The following CNTN4 variants were observed in gnomAD, a reference collection of about 807,000 sequenced individuals.
CNTN4 encodes contactin-4.
Under a neutral mutation model 122.5 loss-of-function variants are expected in CNTN4, and 77 were observed. The observed-to-expected ratio is 0.63, with a 90% CI of 0.52 to 0.76. The LOEUF (loss-of-function observed/expected upper bound fraction) is 0.76, where lower values mean the gene tolerates loss of function less well. Among genes scored for constraint, CNTN4 ranks in the 30% least tolerant of loss-of-function variants. CNTN4 has a pLI of 0.00. For missense variants in CNTN4, 1,256 were observed against 1,259.1 expected (o/e 1.00, Z 0.04); for synonymous variants, 512 against 447.0 (o/e 1.15, Z -1.83).
chr3:2,834,243 C>A (rs12634307), intron 7 of CNTN4, among the ~76,000 whole-genome samples: 5 of 151,868 alleles, frequency 3.3e-5, no homozygotes, highest in Non-Finnish European at 7.4e-5. Flanking sequence ...GGGATATGTA[C>A]CATCTAAGTT....
chr3:2,762,642 T>C (rs112561871), intron 6 of CNTN4, among the ~76,000 whole-genome samples: 3,746 of 152,260 alleles, frequency 0.025, 157 homozygotes, highest in African/African-American at 0.085. Context: ...AACATACACA[T>C]GTGTGTGTCT....
chr3:2,467,101 T>C (rs1490318287), intron 3 of CNTN4, among the ~76,000 whole-genome samples: 3 of 151,446 alleles, frequency 2.0e-5, no homozygotes, highest in Admixed American at 2.0e-4. Context: ...CTAATACATA[T>C]TTTTCCCATT....
chr3:2,506,189 T>G (rs919171546), intron 3 of CNTN4, among the ~76,000 whole-genome samples: 10 of 152,172 alleles, frequency 6.6e-5, no homozygotes, highest in African/African-American at 2.4e-4. Context: ...TAGCTGTGAC[T>G]CCTGTCATGT....
intron 4 of CNTN4, among the ~76,000 whole-genome samples, chr3:2,694,449 T>C (rs978864448): frequency 1.3e-5 from 2 of 152,208 alleles, no homozygotes; most frequent in Non-Finnish European, 2.9e-5. Flanking sequence ...CAGTCAAGAA[T>C]TGAACAACAT....
intron 3 of CNTN4, among the ~76,000 whole-genome samples, chr3:2,428,046 T>C (rs962726371): frequency 6.6e-6 from 1 of 152,206 alleles, no homozygotes; most frequent in African/African-American, 2.4e-5. Flanking sequence ...CTGTGTCTTT[T>C]AATTGGAGCA....
chr3:2,263,263 A>G (rs974438061), intron 2 of CNTN4, among the ~76,000 whole-genome samples: 1 of 152,136 alleles, frequency 6.6e-6, no homozygotes, highest in African/African-American at 2.4e-5. Flanking sequence ...TGTATAATAA[A>G]AAATATTATG....
chr3:2,733,532 G>GTTTTTTTTTTT (rs1201306391), intron 4 of CNTN4, among the ~76,000 whole-genome samples: 10 of 120,558 alleles, frequency 8.3e-5, no homozygotes, highest in African/African-American at 2.8e-4. Flanking sequence ...GCATGTTTGT[G>GTTTTTTTTTTT]TTTTTTTTTT....
chr3:2,988,510 G>A, intron 14 of CNTN4, 38 bp downstream of exon 14: 2 of 1,606,670 alleles, frequency 1.2e-6, no homozygotes, highest in African/African-American at 1.3e-5. Flanking sequence ...ATTTATATAT[G>A]TGTCCTCGTG....
chr3:2,729,303 G>A lies in CNTN4; in HGVS notation c.56-6912G>A, dbSNP rs532975599. 4.6e-5 allele frequency among the ~76,000 whole-genome samples: 7 copies of A among 152,112 alleles called. No individual in the cohort carries two copies. The East Asian group carries it at 5.8e-4, about 13-fold the overall frequency. ...AAAGTGGCCGGGCGCGGTGGCTCACGCCTGTAATCCTAGCACTTTGGGAGG... is the reference window on the plus strand; with the variant it reads ...AAAGTGGCCGGGCGCGGTGGCTCACACCTGTAATCCTAGCACTTTGGGAGG... On this transcript the variant is annotated intron_variant, in intron 4 of 24. Transcript: ENST00000418658.
intron 4 of CNTN4, among the ~76,000 whole-genome samples, chr3:2,730,759 A>G (rs2088618317): frequency 2.0e-5 from 3 of 152,036 alleles, no homozygotes; most frequent in Non-Finnish European, 2.9e-5. Flanking sequence ...TGAGTTAACC[A>G]TCACCTGAGA....
chr3:2,964,030 C>T lies in CNTN4; in HGVS notation c.1359-24315C>T, dbSNP rs563006538. ...TCACTATTGCATCTTTAGTACATTG[C>T]CTGACACATAGTAGGTTCTTATTAC... On this transcript the variant is annotated intron_variant, in intron 13 of 24. Coordinates refer to ENST00000418658, the MANE Select transcript of CNTN4 (RefSeq NM_175607.3). 6.6e-5 allele frequency among the ~76,000 whole-genome samples: 10 copies of T among 152,284 alleles called. No homozygotes were observed. In the South Asian group the frequency reaches 2.1e-3, roughly 32 times the overall value.
At chr3:2,798,815 T>C (rs2092276330) in intron 6 of CNTN4, among the ~76,000 whole-genome samples, 1 of 152,278 alleles carries the variant, frequency 6.6e-6, no homozygotes, top group South Asian at 2.1e-4. Flanking sequence ...CCAGCTGGTA[T>C]CCTTTTGATA....
chr3:2,510,337 A>T (rs2076847180), intron 3 of CNTN4, among the ~76,000 whole-genome samples: 1 of 143,888 alleles, frequency 6.9e-6, no homozygotes, highest in Non-Finnish European at 1.6e-5. Context: ...GAAAACTAAG[A>T]CTCACAAAGG....
chr3:2,564,453 C>T (rs1479040161), intron 3 of CNTN4, among the ~76,000 whole-genome samples: 1 of 152,066 alleles, frequency 6.6e-6, no homozygotes, highest in Non-Finnish European at 1.5e-5. Context: ...TTACAAGCCT[C>T]AAATGGCTCT....
intron 2 of CNTN4, among the ~76,000 whole-genome samples, chr3:2,106,679 C>T (rs1459163638): frequency 3.3e-5 from 5 of 152,182 alleles, no homozygotes; most frequent in Admixed American, 3.3e-4. Flanking sequence ...GGAGGGGCTG[C>T]CGCCAAGATC....
At chr3:2,245,371 T>A (rs1481279404) in intron 2 of CNTN4, among the ~76,000 whole-genome samples, 2 of 152,080 alleles carry the variant, frequency 1.3e-5, no homozygotes, top group Non-Finnish European at 2.9e-5. Flanking sequence ...TGCCAGTTAT[T>A]CATTCTGGCA....
At chr3:2,298,577 A>G (rs1254611145) in intron 2 of CNTN4, among the ~76,000 whole-genome samples, 1 of 152,150 alleles carries the variant, frequency 6.6e-6, no homozygotes, top group East Asian at 1.9e-4. Context: ...TCTCTCATAC[A>G]ATTTAATAGA....
Position 2,643,184 on chromosome 3 carries a change from G to C in CNTN4, c.55+71626G>C, listed in dbSNP as rs186475407. Among the ~76,000 whole-genome samples the C allele has an allele frequency of 2.6e-5, 4 of 152,034 alleles. No individual in the cohort carries two copies. The East Asian group carries it at 7.8e-4, about 29-fold the overall frequency. On this transcript the variant is annotated intron_variant, in intron 4 of 24. Transcript: ENST00000418658. ...TAGAAAGCTTTTTGTTTGTTTATTT[G>C]TTTGTTTGAGATGGAGTCTCTCTCT...
chr3:2,300,612 T>C (rs964497796), intron 2 of CNTN4, among the ~76,000 whole-genome samples: 6 of 134,488 alleles, frequency 4.5e-5, no homozygotes, highest in South Asian at 2.7e-4. Flanking sequence ...TTGCTCTGTC[T>C]CCAGGCTGGA....
Sources: allele counts gnomAD v4.1 joint callset (sites outside exome capture counted in the v4.1 genomes callset), GRCh38; gene constraint gnomAD v4.1.1; transcripts MANE v1.5; gene names NCBI Gene and HGNC (gene_info 2026-07-23, HGNC 2026-07-21).